Variants in ADAMTSL1 observed in about 807,000 individuals in gnomAD.
ADAMTSL1 encodes ADAMTS like 1, also known as ADAMTS-like protein 1.
Under a neutral mutation model 201.8 loss-of-function variants are expected in ADAMTSL1, and 126 were observed. The observed-to-expected ratio is 0.62, with a 90% confidence interval of 0.54 to 0.72. The LOEUF is 0.72. Ranked by LOEUF, ADAMTSL1 falls within the 30% of genes least tolerant of loss-of-function variation. The pLI, the probability that ADAMTSL1 is intolerant of heterozygous loss-of-function variation, is 0.00. For synonymous variants in ADAMTSL1, 1,121 were observed against 903.4 expected, an observed-to-expected ratio of 1.24 and a Z score of -4.32; for missense variants, 2,679 against 2,277.8, an observed-to-expected ratio of 1.18 and a Z score of -3.59.
Position 18,775,738 on chromosome 9 carries a change from A to G in ADAMTSL1, c.2398-5A>G. 1 of 1,612,238 alleles carries G rather than the reference A, an allele frequency of 6.2e-7. No homozygotes were observed. The highest frequency in any genetic ancestry group is 1.1e-5 in the South Asian group (1 of 90,416). ...ATGTGCATTTGGCCTTTCTTTCTCC[A>G]CCAGTGTTCCACAAGCTGCGGGGAA... On this transcript the variant is annotated splice_polypyrimidine_tract_variant and splice_region_variant and intron_variant, in intron 17 of 28. Coordinates refer to ENST00000380548, the MANE Select transcript of ADAMTSL1 (RefSeq NM_001040272.6).
chr9:18,369,844 G>A (rs1836963410), intron 2 of ADAMTSL1, among the ~76,000 whole-genome samples: 1 of 152,156 alleles, frequency 6.6e-6, no homozygotes, highest in South Asian at 2.1e-4. Flanking sequence ...GTCTTTTGCA[G>A]CAACATTTTG....
At chr9:18,051,098 G>A (rs186182652) in intron 1 of ADAMTSL1, among the ~76,000 whole-genome samples, 5 of 152,218 alleles carry the variant, frequency 3.3e-5, no homozygotes, top group East Asian at 3.9e-4. Context: ...TCAGGAGATG[G>A]AGACCATCCT....
upstream of ADAMTSL1, among the ~76,000 whole-genome samples, chr9:18,472,735 G>A (rs1221955124): frequency 6.6e-6 from 1 of 152,100 alleles, no homozygotes; most frequent in African/African-American, 2.4e-5. Context: ...AATAATGAAA[G>A]GAAAGAACAT....
Position 17,927,506 on chromosome 9 carries a change from A to C in ADAMTSL1, c.87+20584A>C, listed in dbSNP as rs7847752. 8.4e-3 allele frequency among the ~76,000 whole-genome samples: 1,270 copies of C among 151,986 alleles called. 19 individuals are homozygous for C. The highest frequency in any genetic ancestry group is 0.029 in the African/African-American group (1,209 of 41,496). On this transcript the variant is annotated intron_variant, in intron 1 of 29. Transcript: ENST00000680146. ...ATGTATATTGATATATAAATTATAT[A>C]TATATGGCCCTCTGTATCTATGGGA...
intron 1 of ADAMTSL1, among the ~76,000 whole-genome samples, chr9:17,957,262 C>T (rs1284868204): frequency 6.6e-6 from 1 of 152,156 alleles, no homozygotes; most frequent in Non-Finnish European, 1.5e-5. Context: ...CCTAGAAGAG[C>T]CCATTGGAGT....
intron 2 of ADAMTSL1, among the ~76,000 whole-genome samples, chr9:18,239,811 G>T (rs1830992753): frequency 6.7e-6 from 1 of 150,348 alleles, no homozygotes; most frequent in Non-Finnish European, 1.5e-5. Flanking sequence ...AAGAAGGAAA[G>T]AAGGAGAAAC....
At chr9:18,073,580 A>G in intron 1 of ADAMTSL1, among the ~76,000 whole-genome samples, 1 of 152,208 alleles carries the variant, frequency 6.6e-6, no homozygotes, top group East Asian at 1.9e-4. Context: ...CTGGAGAATC[A>G]GGACACAGTG....
intron 2 of ADAMTSL1, among the ~76,000 whole-genome samples, chr9:18,215,571 A>G (rs952250618): frequency 1.4e-4 from 22 of 152,208 alleles, no homozygotes; most frequent in African/African-American, 4.6e-4. Context: ...AAAAAATCCC[A>G]TAGCTGCACT....
chr9:18,138,272 A>G (rs1826244215), intron 1 of ADAMTSL1, among the ~76,000 whole-genome samples: 1 of 152,156 alleles, frequency 6.6e-6, no homozygotes, highest in South Asian at 2.1e-4. Context: ...GAATTTTCTT[A>G]AAACCAAACT....
At chr9:18,572,058 G>C (rs978402906) in intron 3 of ADAMTSL1, among the ~76,000 whole-genome samples, 1 of 152,068 alleles carries the variant, frequency 6.6e-6, no homozygotes, top group Non-Finnish European at 1.5e-5. Flanking sequence ...AGCTGGGTGT[G>C]GGGGCACATG....
chr9:18,503,824 A>T (rs539339005), intron 1 of ADAMTSL1, among the ~76,000 whole-genome samples: 23 of 152,282 alleles, frequency 1.5e-4, no homozygotes, highest in Middle Eastern at 3.4e-3. Context: ...AGGTTTTAAA[A>T]GTTCAAAGGA....
At chr9:18,165,848 A>G (rs1275641511) in intron 2 of ADAMTSL1, among the ~76,000 whole-genome samples, 3 of 151,964 alleles carry the variant, frequency 2.0e-5, no homozygotes, top group East Asian at 3.9e-4. Flanking sequence ...CTAAATCAAC[A>G]TTAGAAGATG....
At chr9:18,102,792 G>A (rs961252252) in intron 1 of ADAMTSL1, among the ~76,000 whole-genome samples, 2 of 152,158 alleles carry the variant, frequency 1.3e-5, no homozygotes, top group Non-Finnish European at 2.9e-5. Context: ...ATGAATGGCA[G>A]GTAAAGGAAT....
chr9:18,639,495 G>T, intron 7 of ADAMTSL1, 84 bp downstream of exon 7: 2 of 1,509,110 alleles, frequency 1.3e-6, no homozygotes, highest in Admixed American at 2.0e-5. Flanking sequence ...GCGATTTTTG[G>T]TTCTGACATA....
At chr9:18,491,684 A>T in intron 1 of ADAMTSL1, among the ~76,000 whole-genome samples, 1 of 152,206 alleles carries the variant, frequency 6.6e-6, no homozygotes, top group East Asian at 1.9e-4. Flanking sequence ...CAATATCTGG[A>T]TTATATTTTT....
chr9:18,126,124 A>G (rs1233334781), intron 1 of ADAMTSL1, among the ~76,000 whole-genome samples: 2 of 152,216 alleles, frequency 1.3e-5, no homozygotes, highest in African/African-American at 4.8e-5. Context: ...TACTGTAACT[A>G]TTTCACAAGA....
intron 2 of ADAMTSL1, among the ~76,000 whole-genome samples, chr9:18,192,156 A>T (rs1000153312): frequency 6.6e-6 from 1 of 152,214 alleles, no homozygotes; most frequent in Non-Finnish European, 1.5e-5. Context: ...TTTGTTGCTG[A>T]CCTTTCTACT....
Position 18,638,611 on chromosome 9 carries a change from G to GT in ADAMTSL1, c.677-635dup, listed in dbSNP as rs201577404. Among the ~76,000 whole-genome samples the GT allele has an allele frequency of 3.4e-3, 513 of 151,828 alleles. 1 individual carries two copies. The highest frequency in any genetic ancestry group is 0.012 in the African/African-American group (489 of 41,396). On this transcript the variant is annotated intron_variant, in intron 6 of 28. Coordinates refer to ENST00000380548, the MANE Select transcript of ADAMTSL1 (RefSeq NM_001040272.6). ...GGATTTGAATGCTCCAGAAATCAAG[G>GT]TTTTTTTTCTATCTCAAGCAGTTAT...
At chr9:17,975,341 A>G (rs73643482) in intron 1 of ADAMTSL1, among the ~76,000 whole-genome samples, 2,007 of 152,146 alleles carry the variant, frequency 0.013, 39 homozygotes, top group African/African-American at 0.046. Flanking sequence ...TATTTCTTAC[A>G]GTTCTTGGGG....
Sources: gnomAD v4.1 joint callset for allele counts (sites outside exome capture counted in the v4.1 genomes callset) on GRCh38, gnomAD v4.1.1 for gene constraint, MANE v1.5 for transcripts, NCBI Gene and HGNC (gene_info 2026-07-23, HGNC 2026-07-21) for gene names.